MAF: variants seen among roughly 807,000 people sequenced by gnomAD.
The protein encoded by MAF is transcription factor Maf.
Under a neutral mutation model 22.0 loss-of-function variants are expected in MAF, and 10 were observed. The ratio of observed to expected loss-of-function variants is 0.45; its 90% confidence interval spans 0.28 to 0.77. MAF has a LOEUF of 0.77. MAF is among the 30% of genes least tolerant of loss of function. MAF has a pLI of 0.12. For missense variants in MAF, 544 were observed against 548.4 expected, an observed-to-expected ratio of 0.99 and a Z score of 0.08; for synonymous variants, 337 against 255.8, an observed-to-expected ratio of 1.32 and a Z score of -3.03.
the MAF span, among the ~76,000 whole-genome samples, chr16:79,415,405 G>C: frequency 6.6e-6 from 1 of 151,644 alleles, no homozygotes; most frequent in Admixed American, 6.6e-5. Flanking sequence ...AAAGAGGCAA[G>C]GAAGGAAGGA....
At chr16:79,226,438 T>A in the MAF span, among the ~76,000 whole-genome samples, 1 of 152,092 alleles carries the variant, frequency 6.6e-6, no homozygotes, top group Non-Finnish European at 1.5e-5. Flanking sequence ...GATGACGGGT[T>A]GATGGGTGCA....
chr16:79,373,811 A>G, the MAF span, among the ~76,000 whole-genome samples: 1,451 of 152,272 alleles, frequency 9.5e-3, 10 homozygotes, highest in South Asian at 0.026. Flanking sequence ...CAGTCCCTTG[A>G]CCTTGGACTT....
the MAF span, among the ~76,000 whole-genome samples, chr16:79,372,788 C>A: frequency 6.6e-6 from 1 of 152,198 alleles, no homozygotes; most frequent in Non-Finnish European, 1.5e-5. Flanking sequence ...CAACCTCCCC[C>A]ACTGGCTTCT....
At chr16:79,418,870 C>G in the MAF span, among the ~76,000 whole-genome samples, 1 of 152,156 alleles carries the variant, frequency 6.6e-6, no homozygotes, top group African/African-American at 2.4e-5. Flanking sequence ...ACACAGGGCC[C>G]CACACAAACT....
the MAF span, among the ~76,000 whole-genome samples, chr16:79,383,394 T>G: frequency 1.3e-5 from 2 of 152,144 alleles, no homozygotes; most frequent in Non-Finnish European, 2.9e-5. Context: ...AACCAGATTT[T>G]TAAATGTCTT....
chr16:79,327,473 C>T, the MAF span, among the ~76,000 whole-genome samples: 1 of 152,110 alleles, frequency 6.6e-6, no homozygotes, highest in African/African-American at 2.4e-5. Flanking sequence ...CATGCACGGA[C>T]AAAGCCATGA....
At chr16:79,408,109 C>T in the MAF span, among the ~76,000 whole-genome samples, 118 of 111,162 alleles carry the variant, frequency 1.1e-3, no homozygotes, top group South Asian at 0.016. Flanking sequence ...AACCTAAAGG[C>T]GTGGTGGAGG....
At chr16:79,211,558 A>C in the MAF span, 5 of 1,606,536 alleles carry the variant, frequency 3.1e-6, no homozygotes, top group Non-Finnish European at 4.3e-6. Context: ...ACGCCATCTC[A>C]TCACTCCTTT....
chr16:79,566,974 G>C, the MAF span, among the ~76,000 whole-genome samples: 1 of 152,244 alleles, frequency 6.6e-6, no homozygotes, highest in African/African-American at 2.4e-5. Flanking sequence ...GTAATCTTTT[G>C]GCTGTCTGGG....
At chr16:79,405,451 A>G in the MAF span, among the ~76,000 whole-genome samples, 1 of 152,196 alleles carries the variant, frequency 6.6e-6, no homozygotes, top group Non-Finnish European at 1.5e-5. Flanking sequence ...GTAATTTACC[A>G]TCTGAGGTGA....
At chr16:79,471,718 C>T in the MAF span, among the ~76,000 whole-genome samples, 450 of 152,222 alleles carry the variant, frequency 3.0e-3, 4 homozygotes, top group African/African-American at 0.01. Flanking sequence ...AGTAAAAAAG[C>T]CCTGAGGTTT....
the MAF span, among the ~76,000 whole-genome samples, chr16:79,483,532 C>T: frequency 4.6e-5 from 7 of 151,430 alleles, no homozygotes; most frequent in Non-Finnish European, 8.8e-5. Flanking sequence ...AAGAGGTGCA[C>T]GGAATTAGAA....
the MAF span, among the ~76,000 whole-genome samples, chr16:79,386,556 C>A: frequency 2.0e-5 from 3 of 152,110 alleles, no homozygotes; most frequent in Non-Finnish European, 4.4e-5. Flanking sequence ...TGGCCTGGCT[C>A]GTAACAGGCC....
At chr16:79,208,513 C>T in the MAF span, among the ~76,000 whole-genome samples, 7 of 152,120 alleles carry the variant, frequency 4.6e-5, no homozygotes, top group African/African-American at 9.7e-5. Flanking sequence ...TATTTTATAA[C>T]GGAGTTGTTA....
chr16:79,522,213 G>A, the MAF span, among the ~76,000 whole-genome samples: 1 of 152,226 alleles, frequency 6.6e-6, no homozygotes, highest in Non-Finnish European at 1.5e-5. Flanking sequence ...CTTCAGCCCA[G>A]ACTCTCCACT....
At chr16:79,295,328 G>C in the MAF span, among the ~76,000 whole-genome samples, 3 of 152,182 alleles carry the variant, frequency 2.0e-5, no homozygotes, top group African/African-American at 7.2e-5. Context: ...TTCTGAGTCC[G>C]GGTAGGCTCA....
At chr16:79,588,006 AAG>A (rs747457214) in intron 1 of MAF, among the ~76,000 whole-genome samples, 2 of 152,150 alleles carry the variant, frequency 1.3e-5, no homozygotes, top group African/African-American at 2.4e-5. Context: ...ACATCGGGGT[AAG>A]AGAGATTTTC....
At chr16:79,241,267 C>A in the MAF span, among the ~76,000 whole-genome samples, 1 of 151,982 alleles carries the variant, frequency 6.6e-6, no homozygotes, top group Non-Finnish European at 1.5e-5. Flanking sequence ...CATGTTCTAA[C>A]CCAACGCAAG....
chr16:79,470,339 G>A, the MAF span, among the ~76,000 whole-genome samples: 24 of 152,248 alleles, frequency 1.6e-4, no homozygotes, highest in South Asian at 4.8e-3. Context: ...ATGGGTCCAG[G>A]GCAGGTCATG....
Sources: gnomAD v4.1 joint callset for allele counts (sites outside exome capture counted in the v4.1 genomes callset) on GRCh38, gnomAD v4.1.1 for gene constraint, MANE v1.5 for transcripts, NCBI Gene and HGNC (gene_info 2026-07-23, HGNC 2026-07-21) for gene names.